The following SPAG16 variants were observed in gnomAD, a reference collection of about 807,000 sequenced individuals.
SPAG16 encodes the protein sperm associated antigen 16.
Under a neutral mutation model 80.4 loss-of-function variants are expected in SPAG16, and 86 were observed. The observed-to-expected ratio is 1.07, with a 90% CI of 0.90 to 1.28. The LOEUF (loss-of-function observed/expected upper bound fraction) is 1.28. Ranked by LOEUF, SPAG16 falls within the 50% of genes most tolerant of loss-of-function variation. The probability of loss-of-function intolerance (pLI) is 0.00; values close to 1 mark genes in which losing one functional copy is unlikely to be tolerated. For missense variants in SPAG16, 870 were observed against 765.3 expected (o/e 1.14, Z -1.61); for synonymous variants, 294 against 265.9 (o/e 1.11, Z -1.03).
chr2:214,275,270 G>A (rs1057323707), intron 15 of SPAG16, among the ~76,000 whole-genome samples: 1 of 152,006 alleles, frequency 6.6e-6, no homozygotes, highest in Non-Finnish European at 1.5e-5. Flanking sequence ...TTAATTTTTT[G>A]AAGGGTTTTT....
At chr2:213,431,269 T>A (rs1450757310) in intron 9 of SPAG16, among the ~76,000 whole-genome samples, 1 of 152,026 alleles carries the variant, frequency 6.6e-6, no homozygotes, top group Non-Finnish European at 1.5e-5. Flanking sequence ...ACAATTAATA[T>A]TTTGACAGTC....
intron 13 of SPAG16, among the ~76,000 whole-genome samples, chr2:214,076,511 T>TTC (rs2051077788): frequency 1.6e-5 from 2 of 125,854 alleles, no homozygotes; most frequent in East Asian, 2.2e-4. Flanking sequence ...TCTTATTTTA[T>TTC]TCTGTGTGTG....
intron 7 of SPAG16, among the ~76,000 whole-genome samples, chr2:213,358,297 T>G (rs1486886080): frequency 6.6e-6 from 1 of 152,194 alleles, no homozygotes; most frequent in Non-Finnish European, 1.5e-5. Context: ...AATTTGAATG[T>G]TGGCCTGCCT....
At chr2:214,042,132 C>A (rs1185123954) in intron 13 of SPAG16, among the ~76,000 whole-genome samples, 2 of 150,274 alleles carry the variant, frequency 1.3e-5, no homozygotes, top group Non-Finnish European at 3.0e-5. Context: ...GTTGCCCAGA[C>A]TGAAGTGCAG....
At chr2:214,142,224 G>A (rs2055399647) in intron 14 of SPAG16, among the ~76,000 whole-genome samples, 1 of 151,732 alleles carries the variant, frequency 6.6e-6, no homozygotes, top group African/African-American at 2.4e-5. Flanking sequence ...TAATTCTCTT[G>A]GATTTCTCAA....
At chr2:214,351,697 C>T (rs547930673) in intron 15 of SPAG16, among the ~76,000 whole-genome samples, 26 of 146,520 alleles carry the variant, frequency 1.8e-4, no homozygotes, top group African/African-American at 2.4e-4. Flanking sequence ...AGCGAGACTC[C>T]GTCTCAAAAC....
intron 8 of SPAG16, chr2:213,365,257 A>C (rs2066216529): frequency 6.6e-6 from 1 of 152,242 alleles, no homozygotes; most frequent in Admixed American, 6.5e-5. Flanking sequence ...AACAAGCAAT[A>C]AATGGAAACC....
intron 15 of SPAG16, among the ~76,000 whole-genome samples, chr2:214,287,453 G>C (rs991780147): frequency 6.6e-6 from 1 of 152,182 alleles, no homozygotes; most frequent in Non-Finnish European, 1.5e-5. Context: ...AATCCAAAGA[G>C]ATTAAATCTC....
chr2:213,626,238 C>T (rs2061956633), intron 10 of SPAG16, among the ~76,000 whole-genome samples: 1 of 151,972 alleles, frequency 6.6e-6, no homozygotes, highest in East Asian at 1.9e-4. Flanking sequence ...ATCATATTAG[C>T]AGTCCAGCAT....
intron 10 of SPAG16, among the ~76,000 whole-genome samples, chr2:213,639,660 A>T (rs1364222840): frequency 6.6e-6 from 1 of 152,184 alleles, no homozygotes; most frequent in African/African-American, 2.4e-5. Flanking sequence ...ATTTTACCTC[A>T]TAGCTCTTTA....
chr2:213,691,912 C>T (rs892257810), intron 10 of SPAG16, among the ~76,000 whole-genome samples: 8 of 152,038 alleles, frequency 5.3e-5, no homozygotes, highest in Admixed American at 2.0e-4. Flanking sequence ...ATGAAGAAGG[C>T]GGTAGTCTAT....
chr2:214,189,559 T>C (rs1183242027), intron 15 of SPAG16, among the ~76,000 whole-genome samples: 1 of 152,016 alleles, frequency 6.6e-6, no homozygotes, highest in Non-Finnish European at 1.5e-5. Flanking sequence ...AGGGCTTGAA[T>C]TGGGAGAATT....
At chr2:213,794,369 A>C (rs1052324538) in intron 10 of SPAG16, among the ~76,000 whole-genome samples, 1 of 152,050 alleles carries the variant, frequency 6.6e-6, no homozygotes, top group African/African-American at 2.4e-5. Context: ...TTTAAATCCT[A>C]ACAGTGGCCT....
At chr2:213,889,622 TATATAC>T (rs900446259) in intron 11 of SPAG16, among the ~76,000 whole-genome samples, 10 of 150,196 alleles carry the variant, frequency 6.7e-5, no homozygotes, top group African/African-American at 2.2e-4. Context: ...ACAAAATATA[TATATAC>T]ATATACATAT....
chr2:213,413,608 T>C (rs1187215271), intron 9 of SPAG16, among the ~76,000 whole-genome samples: 2 of 152,172 alleles, frequency 1.3e-5, no homozygotes, highest in Non-Finnish European at 2.9e-5. Flanking sequence ...TTTTAAAAGA[T>C]ATTACGAGCC....
chr2:213,874,347 AAC>A (rs1342086983), intron 11 of SPAG16, among the ~76,000 whole-genome samples: 2 of 152,268 alleles, frequency 1.3e-5, no homozygotes, highest in East Asian at 1.9e-4. Context: ...AACAGTTTGA[AAC>A]ACAAACTGTA....
At chr2:214,135,731 C>CTCTG (rs2055016416) in intron 14 of SPAG16, among the ~76,000 whole-genome samples, 1 of 151,138 alleles carries the variant, frequency 6.6e-6, no homozygotes, top group Non-Finnish European at 1.5e-5. Flanking sequence ...CTGTCTCTCT[C>CTCTG]TCTCTCTCTC....
chr2:213,922,553 G>T (rs768140295), intron 11 of SPAG16, among the ~76,000 whole-genome samples: 1 of 152,156 alleles, frequency 6.6e-6, no homozygotes, highest in Non-Finnish European at 1.5e-5. Flanking sequence ...GCCTGGTTAA[G>T]AACTCTTGCT....
chr2:213,596,062 G>A (rs994423698), intron 10 of SPAG16, among the ~76,000 whole-genome samples: 1 of 152,010 alleles, frequency 6.6e-6, no homozygotes. Context: ...ATTACCAGCA[G>A]CATTTATTTG....
Sources: gnomAD v4.1 joint callset for allele counts (sites outside exome capture counted in the v4.1 genomes callset) on GRCh38, gnomAD v4.1.1 for gene constraint, MANE v1.5 for transcripts, NCBI Gene and HGNC (gene_info 2026-07-23, HGNC 2026-07-21) for gene names.